The following TFAM variants were observed in gnomAD, a reference collection of about 807,000 sequenced individuals.
TFAM encodes the protein mitochondrial transcription factor 1.
TFAM carries 13 observed loss-of-function variants against 30.6 expected under a neutral mutation model. That is an observed-to-expected ratio of 0.42 (90% confidence interval 0.28 to 0.67). The LOEUF is 0.67. TFAM is among the 30% of genes least tolerant of loss of function. The probability of loss-of-function intolerance (pLI) is 0.21; values close to 1 mark genes in which losing one functional copy is unlikely to be tolerated. For synonymous variants in TFAM, 106 were observed against 94.8 expected, an observed-to-expected ratio of 1.12 and a Z score of -0.69; for missense variants, 231 against 293.7, an observed-to-expected ratio of 0.79 and a Z score of 1.56.
rs74587271 is a variant in TFAM at position 58,395,968 on chromosome 10, A to G, written c.*894A>G. On this transcript the variant is annotated 3_prime_UTR_variant, in exon 7 of 7. Transcript: ENST00000487519. ...CATAACGTATAAAAGCCTGTTTAAG[A>G]GACAGCCAACTATGGCCTGTGGATC... 1.1e-3 allele frequency: 196 copies of G among 185,380 alleles called. 1 individual carries two copies. Among genetic ancestry groups the G allele is most frequent in the African/African-American group, 3.8e-3 (163 of 43,378 alleles). The allele number at this position is 185,380 out of a possible 1,614,324, so 11.5% of individuals were successfully genotyped here.
chr10:58,388,534 T>G, intron 3 of TFAM, 136 bp from the exon 4 acceptor site: 1 of 965,814 alleles, frequency 1.0e-6, no homozygotes, highest in Non-Finnish European at 1.7e-6. Context: ...TCCATATACA[T>G]CTCATCCCAG....
chr10:58,395,750 TA>T lies in TFAM; in HGVS notation c.*679del. ...TTTTAATCTTTAATTTTACATTTCC[TA>T]AATATATTTTAAGACGAAACATTTG... On this transcript the variant is annotated 3_prime_UTR_variant, in exon 7 of 7. Transcript: ENST00000487519. The T allele has an allele frequency of 6.6e-6, 2 of 301,060 alleles. No homozygotes were observed. The highest frequency in any genetic ancestry group is 1.2e-5 in the Non-Finnish European group (2 of 164,952). The allele number at this position is 301,060 out of a possible 1,614,324, so 18.6% of individuals were successfully genotyped here.
rs1840526428 is a variant in TFAM, at chr10:58,388,201, A to G, written c.232A>G (p.Thr78Ala). 1 of 1,613,876 alleles carries G rather than the reference A, an allele frequency of 6.2e-7. No homozygotes were observed. The highest frequency in any genetic ancestry group is 8.5e-7 in the Non-Finnish European group (1 of 1,179,826). Residue 78 changes from threonine to alanine, a missense_variant, in exon 3 of 7, where the codon ACA (threonine) becomes GCA (alanine). By Grantham distance (58) the Thr-to-Ala change is moderately conservative. Transcript: ENST00000487519. ...ATTTCATTCCATAGATGCAAAAACT[A>G]CAGAACTAATTAGAAGAATTGCCCA... ...FKAQNPDAKT[T>A]ELIRRIAQRW...
intron 5 of TFAM, among the ~76,000 whole-genome samples, chr10:58,392,777 C>T (rs956048160): frequency 6.6e-6 from 1 of 151,718 alleles, no homozygotes; most frequent in Non-Finnish European, 1.5e-5. Context: ...CGGGCTCAAG[C>T]AATTTTCCCA....
chr10:58,397,868 A>T lies in TFAM; in HGVS notation c.*2794A>T, dbSNP rs540401588. On this transcript the variant is annotated 3_prime_UTR_variant, in exon 7 of 7. Transcript: ENST00000487519. ...AGCCTTGACCTCCTGGGCTCAAGTG[A>T]TCCTTCCGAGTCGTTGGGACTACAG... 6 of 151,506 alleles carry T rather than the reference A, an allele frequency of 4.0e-5. No individual in the cohort carries two copies. The highest frequency in any genetic ancestry group is 1.3e-4 in the Admixed American group (2 of 15,216). The allele number at this position is 151,506 out of a possible 1,614,324, so 9.4% of individuals were successfully genotyped here.
intron 6 of TFAM, 63 bp downstream of exon 6, chr10:58,394,477 G>T: frequency 1.5e-6 from 2 of 1,353,224 alleles, no homozygotes; most frequent in South Asian, 2.3e-5. Context: ...AATGTATTAG[G>T]GCAAGGCTTG....
At chr10:58,388,566 T>TA (rs1840533696) in intron 3 of TFAM, 104 bp from the exon 4 acceptor site, 3 of 1,259,162 alleles carry the variant, frequency 2.4e-6, no homozygotes, top group Non-Finnish European at 3.5e-6. Flanking sequence ...CACCTGGTGA[T>TA]AAAATCTGTC....
Position 58,386,324 on chromosome 10 carries a change from A to G in TFAM, c.206A>G (p.Lys69Arg). 6.2e-7 allele frequency: 1 copy of G among 1,612,712 alleles called. No homozygotes were observed. Among genetic ancestry groups the G allele is most frequent in the Non-Finnish European group, 8.5e-7 (1 of 1,178,848 alleles). Residue 69 changes from lysine (K) to arginine (R), a missense_variant, in exon 2 of 7, where the codon AAA (lysine) becomes AGA (arginine). Physicochemically the swap from Lys to Arg is conservative, Grantham distance 26. Transcript: ENST00000487519. Reference sequence around the variant, plus strand: ...TCTAAAGAACAACTACCCATATTTAAAGCTCAGAACCCAGGTAAGGAGTTT... The same window carrying G: ...TCTAAAGAACAACTACCCATATTTAGAGCTCAGAACCCAGGTAAGGAGTTT... Reference protein sequence around the residue: ...RFSKEQLPIFKAQNPDAKTTE... With the variant: ...RFSKEQLPIFRAQNPDAKTTE...
At position 58,395,719 on chromosome 10, in the gene TFAM, T is replaced by A. The variant is rs1210340350; in HGVS notation, c.*645T>A. 1.0e-5 allele frequency: 3 copies of A among 299,442 alleles called. No homozygotes were observed. Among genetic ancestry groups the A allele is most frequent in the Non-Finnish European group, 1.8e-5 (3 of 164,228 alleles). The allele number at this position is 299,442 out of a possible 1,614,324, so 18.5% of individuals were successfully genotyped here. A position where few individuals can be genotyped will look rare whatever the true frequency, so the allele number is the denominator to read the frequency against. On this transcript the variant is annotated 3_prime_UTR_variant, in exon 7 of 7. Coordinates refer to ENST00000487519, the MANE Select transcript of TFAM (RefSeq NM_003201.3). ...GCATATTATTTTATGTTGCATAGAATAAAATTTTTAATCTTTAATTTTACA... is the reference window on the plus strand; with the variant it reads ...GCATATTATTTTATGTTGCATAGAAAAAAATTTTTAATCTTTAATTTTACA...
At chr10:58,389,111 G>A (rs1840545327) in intron 4 of TFAM, among the ~76,000 whole-genome samples, 2 of 152,182 alleles carry the variant, frequency 1.3e-5, no homozygotes, top group Admixed American at 1.3e-4. Flanking sequence ...TTATGAAACA[G>A]TCAAACCAGG....
At position 58,395,783 on chromosome 10, in the gene TFAM, A is replaced by G. The variant is rs759812183; in HGVS notation, c.*709A>G. 1 of 298,062 alleles carries G rather than the reference A, an allele frequency of 3.4e-6. No homozygotes were observed. Among genetic ancestry groups the G allele is most frequent in the Non-Finnish European group, 6.1e-6 (1 of 163,266 alleles). 18.5% of individuals were successfully genotyped at this position (298,062 alleles called of 1,614,324 possible). On this transcript the variant is annotated 3_prime_UTR_variant, in exon 7 of 7. Transcript: ENST00000487519. ...TTTTAAGACGAAACATTTGTTCTAT[A>G]GCTTTTCCCTTTTTTTAAGTAAGGA...
In TFAM at chr10:58,390,842, T is replaced by C; in HGVS notation, c.519T>C (p.Ala173=). ...ATGTAGCTGAAAGATTCCAAGAAGC[T>C]AAGGGTGATTCACCGCAGGTAAAGC... ...NVYVAERFQE[A]KGDSPQEKLK... is the part of the protein sequence containing the mutation. The change falls in exon 5 of 7, where the codon GCT becomes GCC. Residue 173 remains alanine (A), a synonymous_variant. Transcript: ENST00000487519. 1 of 1,613,094 alleles carries C rather than the reference T, an allele frequency of 6.2e-7. No individual in the cohort carries two copies. Among genetic ancestry groups the C allele is most frequent in the African/African-American group, 1.3e-5 (1 of 75,022 alleles).
chr10:58,395,765 A>G lies in TFAM; in HGVS notation c.*691A>G, dbSNP rs2132363069. ...TTACATTTCCTAAATATATTTTAAG[A>G]CGAAACATTTGTTCTATAGCTTTTC... On this transcript the variant is annotated 3_prime_UTR_variant, in exon 7 of 7. Transcript: ENST00000487519. The G allele has an allele frequency of 3.3e-6, 1 of 299,952 alleles. No individual in the cohort carries two copies. The highest frequency in any genetic ancestry group is 1.5e-4 in the South Asian group (1 of 6,810). The allele number at this position is 299,952 out of a possible 1,614,324, so 18.6% of individuals were successfully genotyped here.
intron 1 of TFAM, among the ~76,000 whole-genome samples, 166 bp downstream of exon 1, chr10:58,385,814 G>A (rs915324748): frequency 4.6e-5 from 7 of 152,124 alleles, no homozygotes; most frequent in African/African-American, 1.7e-4. Flanking sequence ...TTGAGACCAG[G>A]CCTTTATTTA....
At chr10:58,390,029 C>T (rs1217122031) in intron 4 of TFAM, among the ~76,000 whole-genome samples, 2 of 152,184 alleles carry the variant, frequency 1.3e-5, no homozygotes, top group Admixed American at 1.3e-4. Flanking sequence ...AGTTTCAATA[C>T]TCAGTGACTG....
chr10:58,385,977 G>T (rs755969284), intron 1 of TFAM, among the ~76,000 whole-genome samples: 1 of 152,210 alleles, frequency 6.6e-6, no homozygotes, highest in South Asian at 2.1e-4. Context: ...CCCAGGAGCT[G>T]GAGTATAGAC....
In TFAM at chr10:58,387,609, T is replaced by C. The variant is rs541016588; in HGVS notation, c.221-581T>C. Among the ~76,000 whole-genome samples the C allele has an allele frequency of 3.1e-4, 47 of 152,306 alleles. 1 individual carries two copies. The highest frequency in any genetic ancestry group is 1.4e-3 in the East Asian group (7 of 5,168). Reference sequence around the variant, plus strand: ...GAAATATGGAAGGGAAGTAAAAAACTTGAAGCAATTGATCATCCAGCTTCT... The same window carrying C: ...GAAATATGGAAGGGAAGTAAAAAACCTGAAGCAATTGATCATCCAGCTTCT... On this transcript the variant is annotated intron_variant, in intron 2 of 6. Transcript: ENST00000487519.
rs1179042767 is a variant in TFAM at position 58,397,707 on chromosome 10, A to G, written c.*2633A>G. ...ATACACAGATTTTCTCTTATAAAGA[A>G]TAAGAACATCATAACCAATGACCAC... On this transcript the variant is annotated 3_prime_UTR_variant, in exon 7 of 7. Coordinates refer to ENST00000487519, the MANE Select transcript of TFAM (RefSeq NM_003201.3). The G allele has an allele frequency of 6.6e-6, 1 of 152,064 alleles. No homozygotes were observed. The highest frequency in any genetic ancestry group is 1.9e-4 in the East Asian group (1 of 5,168). The allele number at this position is 152,064 out of a possible 1,614,324, so 9.4% of individuals were successfully genotyped here. A position where few individuals can be genotyped will look rare whatever the true frequency, so the allele number is the denominator to read the frequency against.
At chr10:58,394,029 T>A (rs1840639696) in intron 5 of TFAM, among the ~76,000 whole-genome samples, 1 of 152,212 alleles carries the variant, frequency 6.6e-6, no homozygotes, top group Non-Finnish European at 1.5e-5. Flanking sequence ...TGTATTGTTC[T>A]TATTACTGCA....
Sources: gnomAD v4.1 joint callset for allele counts (sites outside exome capture counted in the v4.1 genomes callset) on GRCh38, gnomAD v4.1.1 for gene constraint, MANE v1.5 for transcripts, NCBI Gene and HGNC (gene_info 2026-07-23, HGNC 2026-07-21) for gene names.